The following CGNL1 variants were observed in gnomAD, a reference collection of about 807,000 sequenced individuals.
The protein encoded by CGNL1 is cingulin like 1.
In CGNL1, 132 loss-of-function variants were observed where a neutral mutation model predicts 141.2. The observed-to-expected ratio is 0.93, with a 90% CI of 0.81 to 1.08. The LOEUF (loss-of-function observed/expected upper bound fraction) is 1.08. CGNL1 is among the 50% of genes least tolerant of loss of function. The pLI is 0.00. For missense variants in CGNL1, 1,870 were observed against 1,588.6 expected, an observed-to-expected ratio of 1.18 and a Z score of -3.01; for synonymous variants, 690 against 622.1, an observed-to-expected ratio of 1.11 and a Z score of -1.63.
At chr15:57,413,629 T>C (rs1202244554) in intron 1 of CGNL1, among the ~76,000 whole-genome samples, 2 of 152,240 alleles carry the variant, frequency 1.3e-5, no homozygotes, top group Non-Finnish European at 2.9e-5. Flanking sequence ...CGCTCTTTTT[T>C]CTCTTTTCTT....
At chr15:57,500,592 G>A (rs558180031) in intron 8 of CGNL1, among the ~76,000 whole-genome samples, 1 of 152,302 alleles carries the variant, frequency 6.6e-6, no homozygotes, top group East Asian at 1.9e-4. Flanking sequence ...GGGTCAGCAA[G>A]AGCCTGTGCT....
At chr15:57,392,755 G>C (rs969326725) in intron 1 of CGNL1, among the ~76,000 whole-genome samples, 1 of 152,174 alleles carries the variant, frequency 6.6e-6, no homozygotes, top group Admixed American at 6.5e-5. Flanking sequence ...ACCATCTCAT[G>C]TTAACTGTGT....
intron 7 of CGNL1, among the ~76,000 whole-genome samples, chr15:57,454,084 C>T (rs2063352213): frequency 1.3e-5 from 2 of 152,030 alleles, no homozygotes. Flanking sequence ...AAATTATTAG[C>T]AAGAATGTTG....
At chr15:57,458,076 A>G (rs1455560773) in intron 7 of CGNL1, among the ~76,000 whole-genome samples, 1 of 152,140 alleles carries the variant, frequency 6.6e-6, no homozygotes, top group Non-Finnish European at 1.5e-5. Flanking sequence ...AAGAATAGTA[A>G]TCTTCATCTC....
chr15:57,534,888 C>T (rs1354359694), intron 14 of CGNL1, among the ~76,000 whole-genome samples: 1 of 152,220 alleles, frequency 6.6e-6, no homozygotes, highest in African/African-American at 2.4e-5. Context: ...TCAAACTTAA[C>T]AGCTTTCTCC....
intron 1 of CGNL1, among the ~76,000 whole-genome samples, chr15:57,428,032 A>C (rs1458719531): frequency 2.0e-5 from 3 of 151,938 alleles, no homozygotes; most frequent in African/African-American, 7.3e-5. Flanking sequence ...AGCTGTGTAC[A>C]TTGAGCATGC....
chr15:57,406,815 A>G (rs1215571430), intron 1 of CGNL1, among the ~76,000 whole-genome samples: 1 of 152,268 alleles, frequency 6.6e-6, no homozygotes, highest in African/African-American at 2.4e-5. Context: ...TGGGCTCTGA[A>G]TGCAATCTGA....
chr15:57,475,508 TG>T (rs1223319311), intron 8 of CGNL1, among the ~76,000 whole-genome samples: 1 of 113,500 alleles, frequency 8.8e-6, no homozygotes, highest in Admixed American at 1.0e-4. Context: ...TGTGTGTGTG[TG>T]TGTGTGTGTG....
chr15:57,441,746 G>T (rs1164739804), intron 3 of CGNL1, among the ~76,000 whole-genome samples: 4 of 152,104 alleles, frequency 2.6e-5, no homozygotes, highest in African/African-American at 9.7e-5. Context: ...GACTTTAGTG[G>T]GAGGTGCCTG....
intron 1 of CGNL1, among the ~76,000 whole-genome samples, chr15:57,435,961 C>T (rs2063100755): frequency 1.3e-5 from 2 of 152,212 alleles, no homozygotes; most frequent in South Asian, 4.2e-4. Context: ...TTTCTGACCA[C>T]AATACAGGTA....
chr15:57,514,220 C>A (rs144536330), intron 8 of CGNL1, among the ~76,000 whole-genome samples: 1 of 152,086 alleles, frequency 6.6e-6, no homozygotes, highest in Non-Finnish European at 1.5e-5. Context: ...GGTCCCATCT[C>A]GGCTCACTGC....
At position 57,454,090 on chromosome 15, in the gene CGNL1, T is replaced by C. The variant is rs1403884941; in HGVS notation, c.2190+272T>C. ...ACATGTATGAAATTATTAGCAAGAA[T>C]GTTGGTTTTCAATATGTACATTTTT... On this transcript the variant is annotated intron_variant, in intron 7 of 18. Coordinates refer to ENST00000281282, the MANE Select transcript of CGNL1 (RefSeq NM_032866.5). Among the ~76,000 whole-genome samples, 3 of 152,310 alleles carry C rather than the reference T, an allele frequency of 2.0e-5. No homozygotes were observed. In the East Asian group the frequency reaches 5.8e-4, roughly 29 times the overall value.
chr15:57,416,525 G>A (rs967566094), intron 1 of CGNL1, among the ~76,000 whole-genome samples: 7 of 152,072 alleles, frequency 4.6e-5, no homozygotes, highest in African/African-American at 1.7e-4. Flanking sequence ...AGCCTTCTTG[G>A]TGTCAGGGCC....
chr15:57,486,979 G>A (rs1263212065), intron 8 of CGNL1, among the ~76,000 whole-genome samples: 1 of 152,184 alleles, frequency 6.6e-6, no homozygotes, highest in Non-Finnish European at 1.5e-5. Context: ...CATGCTTGAG[G>A]TATTATGTAG....
At position 57,545,621 on chromosome 15, in the gene CGNL1, G is replaced by A. The variant is rs1374754601; in HGVS notation, c.3530G>A (p.Arg1177Gln). Reference sequence around the variant, plus strand: ...CGGGCCAATCTTCAGCTCAGCAACCGGCGGCTGGAGCGGAAAGTGAAGGAG... The same window carrying A: ...CGGGCCAATCTTCAGCTCAGCAACCAGCGGCTGGAGCGGAAAGTGAAGGAG... The part of the protein sequence containing the change: ...RDRANLQLSN[R>Q]RLERKVKELV... Residue 1177 changes from arginine to glutamine, a missense_variant, in exon 17 of 19, where the codon CGG becomes CAG. By Grantham distance (43) the Arg-to-Gln change is conservative. Coordinates refer to ENST00000281282, the MANE Select transcript of CGNL1 (RefSeq NM_032866.5). 4.3e-6 allele frequency: 7 copies of A among 1,613,612 alleles called. No homozygotes were observed. Among genetic ancestry groups the A allele is most frequent in the Middle Eastern group, 1.6e-4 (1 of 6,062 alleles).
chr15:57,515,276 C>T (rs142655109), intron 8 of CGNL1, among the ~76,000 whole-genome samples: 17 of 152,290 alleles, frequency 1.1e-4, no homozygotes, highest in East Asian at 3.9e-4. Flanking sequence ...TGCTTGGCTC[C>T]GATGGGCTTT....
chr15:57,397,266 G>C (rs1176152067), intron 1 of CGNL1, among the ~76,000 whole-genome samples: 6 of 152,158 alleles, frequency 3.9e-5, no homozygotes, highest in South Asian at 2.1e-4. Flanking sequence ...TGCTGGCCTT[G>C]AAGTAGAGAG....
chr15:57,531,304 T>G (rs894781965), intron 13 of CGNL1, among the ~76,000 whole-genome samples: 1 of 152,212 alleles, frequency 6.6e-6, no homozygotes, highest in Non-Finnish European at 1.5e-5. Flanking sequence ...GAGCGTCAAG[T>G]GTTTTTTCCA....
intron 4 of CGNL1, among the ~76,000 whole-genome samples, chr15:57,447,550 A>G (rs78380965): frequency 6.6e-6 from 1 of 152,016 alleles, no homozygotes; most frequent in Non-Finnish European, 1.5e-5. Flanking sequence ...TTAATAATTT[A>G]TCTTTATTGT....
Sources: gnomAD v4.1 joint callset for allele counts (sites outside exome capture counted in the v4.1 genomes callset) on GRCh38, gnomAD v4.1.1 for gene constraint, MANE v1.5 for transcripts, NCBI Gene and HGNC (gene_info 2026-07-23, HGNC 2026-07-21) for gene names.